Variants in TET3 observed in about 807,000 individuals in gnomAD.
TET3 encodes the protein tet methylcytosine dioxygenase 3, also known as methylcytosine dioxygenase TET3.
TET3 carries 19 observed loss-of-function variants against 141.4 expected under a neutral mutation model. That is an observed-to-expected ratio of 0.13 (90% CI 0.09 to 0.20). The LOEUF is 0.20. Among genes scored for constraint, TET3 ranks in the 10% least tolerant of loss-of-function variants. TET3 has a pLI of 1.00. For missense variants in TET3, 1,874 were observed against 2,356.9 expected (o/e 0.80, Z 4.24); for synonymous variants, 1,043 against 980.9 (o/e 1.06, Z -1.18).
chr2:74,008,415 G>A (rs1006663404), intron 3 of TET3, among the ~76,000 whole-genome samples: 13 of 152,184 alleles, frequency 8.5e-5, no homozygotes, highest in African/African-American at 2.9e-4. Context: ...CAGTTGGGGA[G>A]GAAGCCAAGT....
the TET3 span, among the ~76,000 whole-genome samples, chr2:74,122,711 C>T: frequency 3.3e-4 from 46 of 140,034 alleles, 1 homozygote; most frequent in African/African-American, 7.4e-4. Context: ...TGCCACATGC[C>T]GCCACACCCA....
intron 4 of TET3, among the ~76,000 whole-genome samples, chr2:74,068,061 C>T (rs929521841): frequency 6.6e-6 from 1 of 152,168 alleles, no homozygotes; most frequent in Non-Finnish European, 1.5e-5. Flanking sequence ...GAGGCAAGAG[C>T]CTGACCCAGG....
intron 3 of TET3, among the ~76,000 whole-genome samples, chr2:74,044,600 C>T (rs1318839499): frequency 1.3e-5 from 2 of 152,220 alleles, no homozygotes; most frequent in African/African-American, 2.4e-5. Flanking sequence ...GAGCCTCAGT[C>T]GTTTACCTTG....
chr2:74,129,582 G>C, the TET3 span, among the ~76,000 whole-genome samples: 1 of 151,890 alleles, frequency 6.6e-6, no homozygotes, highest in Non-Finnish European at 1.5e-5. Context: ...AGTGAGCCAA[G>C]ATCGCACCAC....
At position 74,107,732 on chromosome 2, in the gene TET3, G is replaced by A. The variant is rs2104285732; in HGVS notation, c.*5556G>A. The stretch of plus-strand genomic sequence containing the variant: ...TGGTTACTTGGCTTCCAATGGAGGT[G>A]AACTTAACAACCATACTTGAATATT... On this transcript the variant is annotated 3_prime_UTR_variant, in exon 12 of 12. Coordinates refer to ENST00000409262, the MANE Select transcript of TET3 (RefSeq NM_001287491.2). 1 of 152,276 alleles carries A rather than the reference G, an allele frequency of 6.6e-6. No individual in the cohort carries two copies. Among genetic ancestry groups the A allele is most frequent in the African/African-American group, 2.4e-5 (1 of 41,562 alleles). 9.4% of individuals were successfully genotyped at this position (152,276 alleles called of 1,614,324 possible).
chr2:74,025,176 A>C (rs1686265323), intron 3 of TET3, among the ~76,000 whole-genome samples: 1 of 139,738 alleles, frequency 7.2e-6, no homozygotes, highest in Admixed American at 7.4e-5. Context: ...GTGAGCCGAG[A>C]TTGTGCTACT....
chr2:74,108,907 G>A (rs1467503478), downstream of TET3, among the ~76,000 whole-genome samples: 1 of 152,188 alleles, frequency 6.6e-6, no homozygotes, highest in Non-Finnish European at 1.5e-5. Flanking sequence ...GGGCATCTGA[G>A]TGAAAATACC....
At chr2:74,071,535 T>G (rs1042537977) in intron 4 of TET3, among the ~76,000 whole-genome samples, 2 of 152,214 alleles carry the variant, frequency 1.3e-5, no homozygotes, top group African/African-American at 4.8e-5. Flanking sequence ...TGTATACCCT[T>G]TATATACTTT....
intron 3 of TET3, among the ~76,000 whole-genome samples, chr2:74,028,082 C>T (rs1558725413): frequency 6.6e-6 from 1 of 151,714 alleles, no homozygotes; most frequent in Non-Finnish European, 1.5e-5. Context: ...CCCCTGGGCT[C>T]AGGGGATCCT....
chr2:74,108,225 G>A (rs906357943), downstream of TET3: 9 of 153,766 alleles, frequency 5.9e-5, no homozygotes, highest in Admixed American at 2.0e-4. Flanking sequence ...ACTGGAATGT[G>A]ATGTGTCAGG....
chr2:74,071,380 T>G (rs1419119920), intron 4 of TET3, among the ~76,000 whole-genome samples: 1 of 152,248 alleles, frequency 6.6e-6, no homozygotes, highest in Non-Finnish European at 1.5e-5. Context: ...AATCTTTGTA[T>G]GTGGGTTTTA....
chr2:74,089,166 C>T (rs1690336344), intron 7 of TET3, among the ~76,000 whole-genome samples: 1 of 151,820 alleles, frequency 6.6e-6, no homozygotes, highest in African/African-American at 2.4e-5. Flanking sequence ...TAAGCAAGCC[C>T]TCCCCTAGCC....
the TET3 span, chr2:74,130,504 G>A: frequency 6.6e-6 from 1 of 152,286 alleles, no homozygotes; most frequent in Non-Finnish European, 1.5e-5. Context: ...GTGGCCCGAA[G>A]AAGGCAGCTG....
At chr2:74,070,983 A>G in intron 4 of TET3, among the ~76,000 whole-genome samples, 1 of 152,152 alleles carries the variant, frequency 6.6e-6, no homozygotes. Context: ...TCTAGAAAAA[A>G]AATCCCATAG....
intron 8 of TET3, among the ~76,000 whole-genome samples, chr2:74,090,684 C>T (rs749002047): frequency 7.2e-5 from 11 of 152,212 alleles, no homozygotes; most frequent in African/African-American, 2.2e-4. Flanking sequence ...CAGGGGAAGG[C>T]GCCCTCAGGC....
At chr2:73,985,497 T>C (rs1350208320) in intron 1 of TET3, among the ~76,000 whole-genome samples, 3 of 144,076 alleles carry the variant, frequency 2.1e-5, no homozygotes, top group Non-Finnish European at 3.1e-5. Flanking sequence ...CCAGTCGGGC[T>C]GGCGGGCTGC....
At chr2:74,008,287 G>A (rs569468900) in intron 3 of TET3, among the ~76,000 whole-genome samples, 2 of 152,290 alleles carry the variant, frequency 1.3e-5, no homozygotes, top group African/African-American at 2.4e-5. Flanking sequence ...CTGTAGATAA[G>A]GATGCCTCCT....
At chr2:73,984,846 G>A (rs1250328990), upstream of TET3, among the ~76,000 whole-genome samples, 12 of 146,786 alleles carry the variant, frequency 8.2e-5, no homozygotes, top group East Asian at 6.1e-4. The surrounding 1 kb of genome is among the most constrained non-coding windows in gnomAD (Gnocchi z 5.6). Context: ...GGGGCCGCAC[G>A]TGTGCGCCCT....
At chr2:74,032,508 TTAGGG>T (rs1686805840) in intron 3 of TET3, among the ~76,000 whole-genome samples, 1 of 43,908 alleles carries the variant, frequency 2.3e-5, no homozygotes. Flanking sequence ...TGTGTGTGTG[TTAGGG>T]GAGTTGAGGC....
Sources: allele counts gnomAD v4.1 joint callset (sites outside exome capture counted in the v4.1 genomes callset), GRCh38; gene constraint gnomAD v4.1.1; non-coding constraint Gnocchi (gnomAD v3.1); transcripts MANE v1.5; gene names NCBI Gene and HGNC (gene_info 2026-07-23, HGNC 2026-07-21).